The following FANCI variants were observed in gnomAD, a reference collection of about 807,000 sequenced individuals.
FANCI encodes the protein Fanconi anemia group I protein.
Under a neutral mutation model 176.1 loss-of-function variants are expected in FANCI, and 156 were observed. The observed-to-expected ratio is 0.89, with a 90% CI of 0.78 to 1.01. The LOEUF is 1.01. Ranked by LOEUF, FANCI falls within the 50% of genes least tolerant of loss-of-function variation. The probability of loss-of-function intolerance (pLI) is 0.00; values close to 1 mark genes in which losing one functional copy is unlikely to be tolerated. For missense variants in FANCI, 1,678 were observed against 1,534.1 expected (o/e 1.09, Z -1.57); for synonymous variants, 613 against 541.7 (o/e 1.13, Z -1.83).
chr15:89,273,370 C>T lies in FANCI; in HGVS notation c.883-7C>T. 6.7e-7 allele frequency: 1 copy of T among 1,487,326 alleles called. No homozygotes were observed. Among genetic ancestry groups the T allele is most frequent in the East Asian group, 2.3e-5 (1 of 44,012 alleles). The allele number at this position is 1,487,326 out of a possible 1,614,324, so 92.1% of individuals were successfully genotyped here. ...TAAATGACTTCCTTTTGGTTGCTCT[C>T]TTCTAGGTAGGACAGCAAGGAGATT... On this transcript the variant is annotated splice_polypyrimidine_tract_variant and splice_region_variant and intron_variant, in intron 10 of 37. Transcript: ENST00000310775.
chr15:89,252,719 C>T (rs1248862235), intron 2 of FANCI, among the ~76,000 whole-genome samples: 1 of 152,016 alleles, frequency 6.6e-6, no homozygotes, highest in Non-Finnish European at 1.5e-5. Context: ...CAGCCTGGGC[C>T]CCATTTACAA....
chr15:89,276,712 G>A lies in FANCI; in HGVS notation c.1114G>A (p.Val372Ile), dbSNP rs76788798. The A allele has an allele frequency of 2.8e-3, 4,594 of 1,614,064 alleles. 123 individuals are homozygous for A. The African/African-American group carries it at 0.055, about 19-fold the overall frequency. The stretch of plus-strand genomic sequence containing the variant: ...TAACTAAGCTTTGTGTTCTTGTAGC[G>A]TTCATAGCTGGGACCATGTTACTCA... ...TMILEVVKNS[V>I]HSWDHVTQGL... Residue 372 changes from valine (V) to isoleucine (I), a missense_variant and splice_region_variant, in exon 13 of 38, where the codon GTT becomes ATT. This residue lies in a region of FANCI where 469 missense variants were observed against 436.9 expected (regional missense o/e 1.07). Coordinates refer to ENST00000310775, the MANE Select transcript of FANCI (RefSeq NM_001113378.2).
intron 19 of FANCI, chr15:89,290,738 C>G (rs146366096): frequency 1.3e-3 from 224 of 177,214 alleles, no homozygotes; most frequent in African/African-American, 5.1e-3. Flanking sequence ...ATCTTCAAGA[C>G]TAGAAGAATT....
At chr15:89,289,185 A>G (rs1010880692) in intron 18 of FANCI, among the ~76,000 whole-genome samples, 12 of 151,962 alleles carry the variant, frequency 7.9e-5, no homozygotes, top group African/African-American at 2.9e-4. Context: ...TTGCCTGTAG[A>G]TTTTTGTGCC....
In FANCI at chr15:89,316,583, C is replaced by G; in HGVS notation, c.*124C>G. On this transcript the variant is annotated 3_prime_UTR_variant, in exon 38 of 38. Transcript: ENST00000310775. ...ATCTTGGTTCTGAACCCACTGAATT[C>G]AACTGCACCTTCAGTTAGAAGGAAT... 1 of 1,127,388 alleles carries G rather than the reference C, an allele frequency of 8.9e-7. No individual in the cohort carries two copies. The highest frequency in any genetic ancestry group is 1.3e-6 in the Non-Finnish European group (1 of 757,246). 69.8% of individuals were successfully genotyped at this position (1,127,388 alleles called of 1,614,324 possible).
intron 18 of FANCI, among the ~76,000 whole-genome samples, chr15:89,286,319 C>T (rs928784315): frequency 6.6e-6 from 1 of 152,108 alleles, no homozygotes; most frequent in Non-Finnish European, 1.5e-5. Context: ...AAAGCAACTT[C>T]TTTTTCTTTT....
intron 17 of FANCI, 43 bp from the exon 18 acceptor site, chr15:89,285,053 A>G (rs1265414461): frequency 1.2e-6 from 2 of 1,613,270 alleles, no homozygotes; most frequent in Admixed American, 3.3e-5. Context: ...TATTGGAAAC[A>G]GCTTTGGTAA....
intron 28 of FANCI, 109 bp from the exon 29 acceptor site, chr15:89,305,006 C>T (rs1018543830): frequency 4.0e-6 from 5 of 1,249,304 alleles, no homozygotes; most frequent in Admixed American, 3.4e-5. Flanking sequence ...GAATTCCTGA[C>T]CTCAGGTGAT....
At chr15:89,310,717 C>T (rs2054921030) in intron 34 of FANCI, among the ~76,000 whole-genome samples, 1 of 152,250 alleles carries the variant, frequency 6.6e-6, no homozygotes, top group South Asian at 2.1e-4. Context: ...ACTGTTAATT[C>T]TCTTGTAGCC....
At chr15:89,294,369 G>A (rs777986808) in intron 23 of FANCI, among the ~76,000 whole-genome samples, 2 of 152,100 alleles carry the variant, frequency 1.3e-5, no homozygotes, top group Non-Finnish European at 2.9e-5. Flanking sequence ...TGGATCACCT[G>A]AGGTCAAAAG....
At chr15:89,283,294 AT>A in intron 17 of FANCI, 44 bp downstream of exon 17, 1 of 1,612,380 alleles carries the variant, frequency 6.2e-7, no homozygotes. Context: ...CGTATCATTC[AT>A]GTGCATCGAT....
chr15:89,311,391 C>T (rs896976957), intron 34 of FANCI, among the ~76,000 whole-genome samples: 1 of 152,208 alleles, frequency 6.6e-6, no homozygotes, highest in African/African-American at 2.4e-5. Flanking sequence ...TGTACTCCAG[C>T]CTGGGCGACA....
intron 12 of FANCI, 94 bp downstream of exon 12, chr15:89,274,398 T>G: frequency 1.4e-6 from 2 of 1,412,910 alleles, no homozygotes; most frequent in Non-Finnish European, 2.0e-6. Flanking sequence ...GAGGGGAAAC[T>G]GATGACTTAA....
At chr15:89,269,077 C>T (rs1355660021) in intron 10 of FANCI, among the ~76,000 whole-genome samples, 1 of 152,176 alleles carries the variant, frequency 6.6e-6, no homozygotes, top group East Asian at 1.9e-4. Flanking sequence ...TTTGAAAATT[C>T]TAACTCAGAA....
chr15:89,309,747 C>T (rs749884331), intron 34 of FANCI, among the ~76,000 whole-genome samples: 3 of 152,072 alleles, frequency 2.0e-5, no homozygotes, highest in Non-Finnish European at 4.4e-5. Context: ...GCTGAGAGTT[C>T]CAACAGTATG....
At chr15:89,279,823 C>G (rs1278192577) in intron 14 of FANCI, among the ~76,000 whole-genome samples, 1 of 152,070 alleles carries the variant, frequency 6.6e-6, no homozygotes, top group East Asian at 1.9e-4. Flanking sequence ...CCTCCTCCTC[C>G]CAACCTCACA....
intron 22 of FANCI, among the ~76,000 whole-genome samples, chr15:89,293,441 C>A (rs1007253324): frequency 1.3e-5 from 2 of 152,320 alleles, no homozygotes; most frequent in Non-Finnish European, 2.9e-5. Flanking sequence ...AATCCCAGAA[C>A]TTTGGGAGGC....
At chr15:89,260,930 C>G (rs2052686241) in intron 4 of FANCI, 87 bp downstream of exon 4, 2 of 1,495,660 alleles carry the variant, frequency 1.3e-6, no homozygotes, top group Admixed American at 3.4e-5. Flanking sequence ...AAGTGCCCAA[C>G]CTAGCATAGT....
At chr15:89,273,785 G>A (rs1160920839) in intron 11 of FANCI, among the ~76,000 whole-genome samples, 1 of 152,190 alleles carries the variant, frequency 6.6e-6, no homozygotes, top group Non-Finnish European at 1.5e-5. Context: ...ATATTCACCA[G>A]CAGTTTTACT....
Sources: allele counts gnomAD v4.1 joint callset (sites outside exome capture counted in the v4.1 genomes callset), GRCh38; gene constraint gnomAD v4.1.1; regional missense constraint gnomAD v4.1.1; transcripts MANE v1.5; gene names NCBI Gene and HGNC (gene_info 2026-07-23, HGNC 2026-07-21).